The following SLC1A1 variants were observed in gnomAD, a reference collection of about 807,000 sequenced individuals.
SLC1A1 encodes the protein excitatory amino acid transporter 3.
SLC1A1 carries 43 observed loss-of-function variants against 53.3 expected under a neutral mutation model. That is an observed-to-expected ratio of 0.81 (90% CI 0.63 to 1.04). SLC1A1 has a LOEUF of 1.04. SLC1A1 is among the 50% of genes least tolerant of loss of function. The pLI is 0.00. For synonymous variants in SLC1A1, 307 were observed against 243.2 expected, an observed-to-expected ratio of 1.26 and a Z score of -2.44; for missense variants, 748 against 664.9, an observed-to-expected ratio of 1.12 and a Z score of -1.37.
intron 2 of SLC1A1, among the ~76,000 whole-genome samples, chr9:4,555,224 A>G (rs767217410): frequency 1.4e-4 from 22 of 152,330 alleles, no homozygotes; most frequent in South Asian, 6.2e-4. Context: ...TTTAACTCCT[A>G]TGCAACAATG....
chr9:4,503,881 C>T (rs1820716078), intron 1 of SLC1A1, among the ~76,000 whole-genome samples: 1 of 152,028 alleles, frequency 6.6e-6, no homozygotes, highest in Non-Finnish European at 1.5e-5. Context: ...TTTGATGAAC[C>T]AATCCCATTG....
At chr9:4,525,170 G>A (rs1044292952) in intron 1 of SLC1A1, among the ~76,000 whole-genome samples, 1 of 152,154 alleles carries the variant, frequency 6.6e-6, no homozygotes, top group Non-Finnish European at 1.5e-5. Context: ...ATTTGGCCCT[G>A]CCCTTGGAAA....
chr9:4,498,832 G>C lies in SLC1A1; in HGVS notation c.91+8062G>C, dbSNP rs984202925. Among the ~76,000 whole-genome samples the C allele has an allele frequency of 2.0e-5, 3 of 149,332 alleles. No individual in the cohort carries two copies. In the East Asian group the frequency reaches 5.9e-4, roughly 29 times the overall value. Reference sequence around the variant, plus strand: ...AATATATATATATGTGTGTGTGTGTGTATATATATGATATTGCTTATACTT... The same window carrying C: ...AATATATATATATGTGTGTGTGTGTCTATATATATGATATTGCTTATACTT... On this transcript the variant is annotated intron_variant, in intron 1 of 11. Transcript: ENST00000262352.
At position 4,565,943 on chromosome 9, in the gene SLC1A1, C is replaced by T. The variant is rs190969328; in HGVS notation, c.441-104C>T. 1,034 of 903,134 alleles carry T rather than the reference C, an allele frequency of 1.1e-3. 2 individuals are homozygous for T. The highest frequency in any genetic ancestry group is 1.7e-3 in the Non-Finnish European group (902 of 535,138). 55.9% of individuals were successfully genotyped at this position (903,134 alleles called of 1,614,324 possible). ...CGCAAAGCAGGGGCCAGAAGAGAAA[C>T]CAGAGTACTAGTTTTATGTTATACT... On this transcript the variant is annotated intron_variant, in intron 4 of 11. Transcript: ENST00000262352.
In SLC1A1 at chr9:4,585,726, G is replaced by A. The variant is rs1255518143; in HGVS notation, c.*168G>A. ...TGGATTCACAGCCTTTGCGCTCTGG[G>A]TTTTGGGATTTGGGTGTGGGGTAAG... On this transcript the variant is annotated 3_prime_UTR_variant, in exon 12 of 12. Transcript: ENST00000262352. The A allele has an allele frequency of 2.3e-6, 2 of 855,112 alleles. No homozygotes were observed. Among genetic ancestry groups the A allele is most frequent in the Non-Finnish European group, 3.6e-6 (2 of 555,396 alleles). The allele number at this position is 855,112 out of a possible 1,614,324, so 53.0% of individuals were successfully genotyped here.
chr9:4,548,840 C>T (rs934272764), intron 2 of SLC1A1, among the ~76,000 whole-genome samples: 2 of 152,048 alleles, frequency 1.3e-5, no homozygotes, highest in African/African-American at 4.8e-5. Flanking sequence ...TTTTCAGAGA[C>T]AATCATTGTG....
chr9:4,579,223 A>C (rs1820838780), intron 10 of SLC1A1, among the ~76,000 whole-genome samples: 1 of 152,252 alleles, frequency 6.6e-6, no homozygotes, highest in Non-Finnish European at 1.5e-5. Context: ...TAATTATAAC[A>C]GCAGAGGGTA....
chr9:4,540,618 T>C (rs10815012), intron 1 of SLC1A1, among the ~76,000 whole-genome samples: 21,182 of 152,208 alleles, frequency 0.14, 1,764 homozygotes, highest in African/African-American at 0.21. Context: ...GCACTCACCC[T>C]GGCTCCTGTA....
intron 2 of SLC1A1, among the ~76,000 whole-genome samples, chr9:4,554,634 G>C (rs550945539): frequency 6.6e-6 from 1 of 152,220 alleles, no homozygotes; most frequent in African/African-American, 2.4e-5. Context: ...GGCTGGAGGA[G>C]GGGATGAGAC....
chr9:4,508,228 G>C (rs1025559028), intron 1 of SLC1A1, among the ~76,000 whole-genome samples: 2 of 152,174 alleles, frequency 1.3e-5, no homozygotes, highest in Non-Finnish European at 2.9e-5. Context: ...GAAAAAAGTA[G>C]AATAAAGAGA....
chr9:4,497,150 T>G (rs1820459988), intron 1 of SLC1A1, among the ~76,000 whole-genome samples: 1 of 152,160 alleles, frequency 6.6e-6, no homozygotes. Flanking sequence ...TTTTTGAGAC[T>G]TAGGTGTATC....
chr9:4,498,532 T>A (rs79197553), intron 1 of SLC1A1, among the ~76,000 whole-genome samples: 2 of 117,214 alleles, frequency 1.7e-5, no homozygotes, highest in African/African-American at 5.1e-5. Flanking sequence ...CAGTTTGACA[T>A]AGGGAAAACA....
intron 1 of SLC1A1, among the ~76,000 whole-genome samples, chr9:4,521,858 C>T (rs959153118): frequency 3.3e-5 from 5 of 152,036 alleles, no homozygotes; most frequent in Non-Finnish European, 7.4e-5. Context: ...AAGGGAGCAG[C>T]CCCACTTGTT....
At chr9:4,566,217 G>T in intron 5 of SLC1A1, 128 bp downstream of exon 5, 1 of 823,348 alleles carries the variant, frequency 1.2e-6, no homozygotes, top group South Asian at 1.3e-5. Flanking sequence ...GTAAACCTGT[G>T]ACTGGCCAAG....
intron 1 of SLC1A1, among the ~76,000 whole-genome samples, chr9:4,515,798 CCT>C (rs1821142841): frequency 6.6e-6 from 1 of 152,152 alleles, no homozygotes; most frequent in African/African-American, 2.4e-5. Flanking sequence ...TCCTCTTCCA[CCT>C]CTCACAGCTG....
In SLC1A1 at chr9:4,492,656, G is replaced by A. The variant is rs115252290; in HGVS notation, c.91+1886G>A. Reference sequence around the variant, plus strand: ...TCTACAAAAAAGTACAAAAATTAGCGTGGTGGTGCACATCTGTAGTCCTAG... The same window carrying A: ...TCTACAAAAAAGTACAAAAATTAGCATGGTGGTGCACATCTGTAGTCCTAG... On this transcript the variant is annotated intron_variant, in intron 1 of 11. Coordinates refer to ENST00000262352, the MANE Select transcript of SLC1A1 (RefSeq NM_004170.6). Among the ~76,000 whole-genome samples, 114 of 152,100 alleles carry A rather than the reference G, an allele frequency of 7.5e-4. 1 individual carries two copies. The highest frequency in any genetic ancestry group is 2.6e-3 in the African/African-American group (106 of 41,494).
rs1422412081 is a variant in SLC1A1, at chr9:4,556,040, G to A, written c.233-5409G>A. Among the ~76,000 whole-genome samples the A allele has an allele frequency of 1.3e-5, 2 of 149,948 alleles. No homozygotes were observed. Among genetic ancestry groups the A allele is most frequent in the Admixed American group, 1.3e-4 (2 of 15,024 alleles). ...TTTCACTCCTGTTGCCCAGGCTGAA[G>A]TGCAGTGGCATGATATCGGCTCACT... On this transcript the variant is annotated intron_variant, in intron 2 of 11. Transcript: ENST00000262352. The surrounding 1 kb of genome is among the most constrained non-coding windows in gnomAD (Gnocchi z 4.1).
At chr9:4,578,448 AGAG>A (rs1365710170) in intron 10 of SLC1A1, among the ~76,000 whole-genome samples, 1 of 152,200 alleles carries the variant, frequency 6.6e-6, no homozygotes, top group Non-Finnish European at 1.5e-5. Context: ...GAGAGTTTGC[AGAG>A]AAGAGAAGGA....
intron 1 of SLC1A1, among the ~76,000 whole-genome samples, chr9:4,530,079 A>C (rs1400417930): frequency 6.6e-6 from 1 of 152,210 alleles, no homozygotes; most frequent in Non-Finnish European, 1.5e-5. Flanking sequence ...ATGGAAAGTG[A>C]ATGACTTGAT....
Sources: gnomAD v4.1 joint callset for allele counts (sites outside exome capture counted in the v4.1 genomes callset) on GRCh38, gnomAD v4.1.1 for gene constraint, Gnocchi (gnomAD v3.1) non-coding constraint, MANE v1.5 for transcripts, NCBI Gene and HGNC (gene_info 2026-07-23, HGNC 2026-07-21) for gene names.